Variants in DLG2 observed in about 807,000 individuals in gnomAD.
DLG2 encodes the protein disks large homolog 2.
DLG2 carries 45 observed loss-of-function variants against 132.5 expected under a neutral mutation model. That is an observed-to-expected ratio of 0.34 (90% CI 0.27 to 0.44). The LOEUF (loss-of-function observed/expected upper bound fraction) is 0.44. Ranked by LOEUF, DLG2 falls within the 20% of genes least tolerant of loss-of-function variation. The pLI is 1.00. For synonymous variants in DLG2, 424 were observed against 419.6 expected, an observed-to-expected ratio of 1.01 and a Z score of -0.13; for missense variants, 1,045 against 1,196.9, an observed-to-expected ratio of 0.87 and a Z score of 1.87.
chr11:83,724,732 G>A (rs950666179), intron 18 of DLG2: 4 of 637,754 alleles, frequency 6.3e-6, no homozygotes, highest in Admixed American at 2.2e-5. Context: ...CAAACGGCAG[G>A]GAAAGGCTGT....
intron 4 of DLG2, among the ~76,000 whole-genome samples, chr11:85,242,354 TA>T (rs2075927366): frequency 6.6e-6 from 1 of 151,986 alleles, no homozygotes; most frequent in Non-Finnish European, 1.5e-5. Context: ...TAATGTTTTC[TA>T]TTATGTATCT....
chr11:83,689,988 A>AATATAT (rs2080647867), intron 18 of DLG2, among the ~76,000 whole-genome samples: 1 of 143,822 alleles, frequency 7.0e-6, no homozygotes, highest in African/African-American at 2.6e-5. Flanking sequence ...TAATATATTT[A>AATATAT]TTATAATATT....
chr11:84,638,076 C>G (rs891155762), intron 6 of DLG2, among the ~76,000 whole-genome samples: 1 of 152,210 alleles, frequency 6.6e-6, no homozygotes, highest in Non-Finnish European at 1.5e-5. Context: ...TTTGATTTAG[C>G]AGTTCCAACC....
chr11:85,335,478 A>T (rs934653207), intron 3 of DLG2, among the ~76,000 whole-genome samples: 1 of 152,044 alleles, frequency 6.6e-6, no homozygotes, highest in Non-Finnish European at 1.5e-5. Flanking sequence ...TGTTATGTAG[A>T]CTTGATTGTG....
At chr11:85,425,414 T>C (rs1466368049) in intron 3 of DLG2, among the ~76,000 whole-genome samples, 1 of 152,082 alleles carries the variant, frequency 6.6e-6, no homozygotes, top group African/African-American at 2.4e-5. Context: ...AAATTTACCA[T>C]AATGAACATA....
At chr11:83,678,967 C>T (rs2078251428) in intron 18 of DLG2, among the ~76,000 whole-genome samples, 1 of 151,970 alleles carries the variant, frequency 6.6e-6, no homozygotes, top group African/African-American at 2.4e-5. Flanking sequence ...TAAAATATTC[C>T]CTAAACTCTG....
intron 19 of DLG2, among the ~76,000 whole-genome samples, chr11:83,612,398 T>C (rs1325367365): frequency 6.6e-6 from 1 of 152,206 alleles, no homozygotes; most frequent in Admixed American, 6.5e-5. Context: ...GCCTAAAACA[T>C]AGTCAGCATC....
intron 7 of DLG2, chr11:84,273,319 A>AC: frequency 4.6e-5 from 65 of 1,404,390 alleles, no homozygotes; most frequent in Non-Finnish European, 3.9e-5. Flanking sequence ...AAAAAAAAAA[A>AC]AAAAAAAAAA....
chr11:84,360,816 T>A (rs2098645522), intron 7 of DLG2, among the ~76,000 whole-genome samples: 1 of 151,736 alleles, frequency 6.6e-6, no homozygotes, highest in Non-Finnish European at 1.5e-5. Context: ...ATGACAGAGA[T>A]AATAAAATAG....
chr11:84,908,251 CTAAAA>C (rs535335911), intron 6 of DLG2, among the ~76,000 whole-genome samples: 78 of 152,136 alleles, frequency 5.1e-4, no homozygotes, highest in Non-Finnish European at 8.8e-4. Context: ...TTTATATAAA[CTAAAA>C]TATACAAAAT....
chr11:84,775,987 A>G (rs2070403104), intron 6 of DLG2, among the ~76,000 whole-genome samples: 2 of 152,168 alleles, frequency 1.3e-5, no homozygotes, highest in South Asian at 2.1e-4. Flanking sequence ...GTTTGTTTCA[A>G]TATCTTATTG....
At chr11:83,665,407 A>T (rs1052549875) in intron 18 of DLG2, among the ~76,000 whole-genome samples, 3 of 152,352 alleles carry the variant, frequency 2.0e-5, no homozygotes, top group African/African-American at 7.2e-5. Context: ...ATGCTATAAG[A>T]GTTAAACCAG....
At chr11:84,866,663 G>C (rs986095372) in intron 6 of DLG2, among the ~76,000 whole-genome samples, 5 of 152,208 alleles carry the variant, frequency 3.3e-5, no homozygotes, top group African/African-American at 1.2e-4. Flanking sequence ...TTACAGGATA[G>C]TTATGAAGAA....
intron 2 of DLG2, among the ~76,000 whole-genome samples, chr11:85,608,111 C>T (rs553591675): frequency 1.3e-5 from 2 of 152,262 alleles, no homozygotes; most frequent in East Asian, 1.9e-4. Flanking sequence ...GTTTCTGCTG[C>T]TGTGGCGGTG....
chr11:84,939,784 C>T (rs1041409195), intron 6 of DLG2, among the ~76,000 whole-genome samples: 1 of 152,062 alleles, frequency 6.6e-6, no homozygotes, highest in Non-Finnish European at 1.5e-5. Context: ...AATAGTATTC[C>T]ATTGTGTATA....
chr11:84,216,813 T>C (rs1023896995), intron 8 of DLG2, among the ~76,000 whole-genome samples: 1 of 152,154 alleles, frequency 6.6e-6, no homozygotes, highest in Non-Finnish European at 1.5e-5. Flanking sequence ...AGCTTAAATA[T>C]GGTAGGAATT....
intron 7 of DLG2, among the ~76,000 whole-genome samples, chr11:84,279,147 G>A (rs756870942): frequency 6.6e-6 from 1 of 152,144 alleles, no homozygotes; most frequent in Non-Finnish European, 1.5e-5. Flanking sequence ...CCATCAAAAA[G>A]TGGGTGAAGG....
intron 2 of DLG2, among the ~76,000 whole-genome samples, chr11:85,599,492 G>A (rs902919862): frequency 2.6e-5 from 4 of 151,178 alleles, no homozygotes; most frequent in Non-Finnish European, 5.9e-5. Context: ...GTTCTTGTCA[G>A]GCAAATCTAG....
intron 7 of DLG2, among the ~76,000 whole-genome samples, chr11:84,303,187 G>T (rs2098175660): frequency 6.6e-6 from 1 of 152,042 alleles, no homozygotes; most frequent in Non-Finnish European, 1.5e-5. Context: ...ATGATAACAG[G>T]TATTATAGAG....
Sources: gnomAD v4.1 joint callset for allele counts (sites outside exome capture counted in the v4.1 genomes callset) on GRCh38, gnomAD v4.1.1 for gene constraint, MANE v1.5 for transcripts, NCBI Gene and HGNC (gene_info 2026-07-23, HGNC 2026-07-21) for gene names.